Variants in RBFOX1 observed in about 807,000 individuals in gnomAD.
RBFOX1 encodes the protein RNA binding fox-1 homolog 1, also known as RNA binding protein fox-1 homolog 1.
Under a neutral mutation model 57.7 loss-of-function variants are expected in RBFOX1, and 8 were observed. The observed-to-expected ratio is 0.14, with a 90% confidence interval of 0.08 to 0.25. RBFOX1 has a LOEUF of 0.25. Among genes scored for constraint, RBFOX1 ranks in the 10% least tolerant of loss-of-function variants. The probability of loss-of-function intolerance (pLI) is 1.00; values close to 1 mark genes in which losing one functional copy is unlikely to be tolerated. For synonymous variants in RBFOX1, 326 were observed against 222.4 expected, an observed-to-expected ratio of 1.47 and a Z score of -4.15; for missense variants, 611 against 548.5, an observed-to-expected ratio of 1.11 and a Z score of -1.14.
At chr16:6,457,000 C>T (rs959421923) in intron 2 of RBFOX1, among the ~76,000 whole-genome samples, 1 of 152,058 alleles carries the variant, frequency 6.6e-6, no homozygotes, top group Non-Finnish European at 1.5e-5. Flanking sequence ...AAGTAGGCAG[C>T]TGAGTATAAG....
intron 1 of RBFOX1, among the ~76,000 whole-genome samples, chr16:6,029,028 G>C (rs537254609): frequency 6.6e-6 from 1 of 152,286 alleles, no homozygotes; most frequent in Admixed American, 6.5e-5. Context: ...TCCAAGGATG[G>C]CTACCTGGGA....
intron 5 of RBFOX1, among the ~76,000 whole-genome samples, chr16:7,563,674 T>C (rs2090982219): frequency 6.6e-6 from 1 of 152,128 alleles, no homozygotes; most frequent in African/African-American, 2.4e-5. Context: ...TTCACTATGT[T>C]GGCCAGACTG....
At chr16:6,590,705 G>T (rs1210555299) in intron 2 of RBFOX1, among the ~76,000 whole-genome samples, 1 of 152,192 alleles carries the variant, frequency 6.6e-6, no homozygotes, top group Non-Finnish European at 1.5e-5. Context: ...TAGAAAATGG[G>T]AGGAGGGTTC....
chr16:6,371,409 G>A (rs1019694997), intron 2 of RBFOX1, among the ~76,000 whole-genome samples: 1 of 151,890 alleles, frequency 6.6e-6, no homozygotes, highest in African/African-American at 2.4e-5. Flanking sequence ...TCATGGATTC[G>A]TGTTTTTATT....
chr16:7,181,563 C>T (rs1164861705), intron 4 of RBFOX1, among the ~76,000 whole-genome samples: 2 of 151,688 alleles, frequency 1.3e-5, no homozygotes, highest in East Asian at 4.0e-4. Context: ...ATCTCTCTTT[C>T]TCTCTTCCTC....
chr16:7,063,178 G>A (rs2055014957), intron 4 of RBFOX1, among the ~76,000 whole-genome samples: 1 of 151,974 alleles, frequency 6.6e-6, no homozygotes, highest in Non-Finnish European at 1.5e-5. Context: ...ATGCTTACCT[G>A]AATTTGTACA....
At chr16:7,182,826 A>T (rs754101209) in intron 4 of RBFOX1, among the ~76,000 whole-genome samples, 1 of 152,050 alleles carries the variant, frequency 6.6e-6, no homozygotes, top group African/African-American at 2.4e-5. Context: ...TAATCTCCAC[A>T]TTCCTGAGTT....
At chr16:6,526,857 A>AAAAAAAAAAAAAAAAAAAAAAAAAAAC (rs1567560941) in intron 2 of RBFOX1, among the ~76,000 whole-genome samples, 3 of 130,350 alleles carry the variant, frequency 2.3e-5, no homozygotes, top group African/African-American at 1.1e-4. Flanking sequence ...AAAAAAAAAA[A>AAAAAAAAAAAAAAAAAAAAAAAAAAAC]AACAACCAGA....
intron 4 of RBFOX1, among the ~76,000 whole-genome samples, chr16:7,248,510 G>A (rs2094394913): frequency 6.6e-6 from 1 of 152,130 alleles, no homozygotes; most frequent in Admixed American, 6.5e-5. Flanking sequence ...GCTGAATTAG[G>A]GGTAGCATTA....
chr16:7,234,620 TTGTA>T lies in RBFOX1; in HGVS notation c.27+182526_27+182529del, dbSNP rs957068119. Among the ~76,000 whole-genome samples, 165 of 148,988 alleles carry T rather than the reference TTGTA, an allele frequency of 1.1e-3. 2 individuals are homozygous for T. The highest frequency in any genetic ancestry group is 9.2e-4 in the Non-Finnish European group (62 of 67,524). On this transcript the variant is annotated intron_variant, in intron 4 of 15. Transcript: ENST00000550418. Reference sequence around the variant, plus strand: ...TGTGTGTGTGTGTGTATATATATGTTTGTATGTGCTTGTGTATATGTGTGTGTTT... The same window carrying T: ...TGTGTGTGTGTGTGTATATATATGTTTGTGCTTGTGTATATGTGTGTGTTT...
chr16:5,289,046 A>T (rs1406919799), intron 1 of RBFOX1, among the ~76,000 whole-genome samples: 1 of 152,096 alleles, frequency 6.6e-6, no homozygotes, highest in Non-Finnish European at 1.5e-5. Flanking sequence ...AATCGCTTGA[A>T]CCTGGGAGGC....
At chr16:6,099,182 T>C (rs56180300) in intron 1 of RBFOX1, among the ~76,000 whole-genome samples, 9,766 of 152,268 alleles carry the variant, frequency 0.064, 445 homozygotes, top group Non-Finnish European at 0.1. Context: ...GATAACTCCA[T>C]TTGGTTCAGT....
intron 2 of RBFOX1, among the ~76,000 whole-genome samples, chr16:5,468,762 C>G (rs923528307): frequency 6.6e-6 from 1 of 152,224 alleles, no homozygotes; most frequent in Non-Finnish European, 1.5e-5. Context: ...ACACATTATG[C>G]TGTGTAGCTC....
At chr16:5,321,563 G>A (rs1009361860) in intron 1 of RBFOX1, among the ~76,000 whole-genome samples, 3 of 152,160 alleles carry the variant, frequency 2.0e-5, no homozygotes, top group East Asian at 1.9e-4. Flanking sequence ...CTCGTGATCC[G>A]CCCATGTTGG....
intron 2 of RBFOX1, among the ~76,000 whole-genome samples, chr16:6,528,576 C>A (rs1257579674): frequency 1.3e-5 from 2 of 152,192 alleles, no homozygotes; most frequent in East Asian, 3.9e-4. Context: ...CAGTATGATT[C>A]TGTGTCAGTT....
intron 1 of RBFOX1, among the ~76,000 whole-genome samples, chr16:5,301,934 T>C (rs1049402122): frequency 1.5e-4 from 23 of 152,190 alleles, no homozygotes; most frequent in African/African-American, 5.3e-4. Context: ...TGTTCATATG[T>C]TTTTTATTTC....
At chr16:6,897,594 C>A (rs2067256881) in intron 3 of RBFOX1, among the ~76,000 whole-genome samples, 1 of 152,142 alleles carries the variant, frequency 6.6e-6, no homozygotes, top group Non-Finnish European at 1.5e-5. Context: ...AGGAGTTTGA[C>A]CAGTCTGGCC....
chr16:6,679,333 G>A (rs1197083647), intron 3 of RBFOX1, among the ~76,000 whole-genome samples: 1 of 152,038 alleles, frequency 6.6e-6, no homozygotes, highest in Non-Finnish European at 1.5e-5. Context: ...ACAATGACGA[G>A]CTTGATATGT....
chr16:6,680,148 G>C (rs562773400), intron 3 of RBFOX1, among the ~76,000 whole-genome samples: 3 of 151,972 alleles, frequency 2.0e-5, no homozygotes, highest in African/African-American at 7.2e-5. Flanking sequence ...ACATAGGGTT[G>C]TGTTTGGGAA....
Sources: gnomAD v4.1 joint callset for allele counts (sites outside exome capture counted in the v4.1 genomes callset) on GRCh38, gnomAD v4.1.1 for gene constraint, MANE v1.5 for transcripts, NCBI Gene and HGNC (gene_info 2026-07-23, HGNC 2026-07-21) for gene names.